Variants in IL31 observed in about 807,000 individuals in gnomAD.
The protein encoded by IL31 is interleukin 31, also known as interleukin-31.
A neutral mutation model predicts 7.8 loss-of-function variants in IL31; 8 were observed. The observed-to-expected ratio is 1.02, with a 90% CI of 0.60 to 1.84. The LOEUF (loss-of-function observed/expected upper bound fraction) is 1.84. Ranked by LOEUF, IL31 falls within the 40% of genes most tolerant of loss-of-function variation. The pLI is 0.00. For missense variants in IL31, 162 were observed against 205.6 expected (o/e 0.79, Z 1.30); for synonymous variants, 87 against 86.5 (o/e 1.01, Z -0.03).
Position 122,172,591 on chromosome 12 carries a change from C to T in IL31, c.316G>A (p.Glu106Lys), listed in dbSNP as rs767155565. 3.7e-6 allele frequency: 6 copies of T among 1,614,172 alleles called. No individual in the cohort carries two copies. Among genetic ancestry groups the T allele is most frequent in the African/African-American group, 1.3e-5 (1 of 75,030 alleles). The change falls in exon 3 of 3, where the codon GAG becomes AAG. Residue 106 changes from glutamate to lysine, a missense_variant. Transcript: ENST00000377035. ...AGTTTGTCGAGGTGCTCTATGATCT[C>T]ATCAATAACAGATTTGTTGTCTAGC... ...RQLDNKSVID[E>K]IIEHLDKLIF...
intron 2 of IL31, among the ~76,000 whole-genome samples, chr12:122,173,570 G>A (rs1207778549): frequency 6.6e-6 from 1 of 152,064 alleles, no homozygotes; most frequent in Non-Finnish European, 1.5e-5. Flanking sequence ...TGTAGTCCCA[G>A]CTACTCGGGA....
intron 2 of IL31, 136 bp from the exon 3 acceptor site, chr12:122,172,877 C>T: frequency 2.8e-6 from 2 of 720,236 alleles, no homozygotes; most frequent in Admixed American, 2.8e-5. Flanking sequence ...CCCTATGAGG[C>T]TGTGCCATCA....
At chr12:122,173,317 A>C (rs1953505974) in intron 2 of IL31, among the ~76,000 whole-genome samples, 1 of 152,260 alleles carries the variant, frequency 6.6e-6, no homozygotes, top group African/African-American at 2.4e-5. Flanking sequence ...TAAGGTCTAA[A>C]TACCAAGGCA....
At chr12:122,173,666 A>C (rs1225708876) in intron 2 of IL31, among the ~76,000 whole-genome samples, 178 bp downstream of exon 2, 2 of 151,186 alleles carry the variant, frequency 1.3e-5, no homozygotes, top group Non-Finnish European at 2.9e-5. Flanking sequence ...CCTGGGTGAC[A>C]GAGTAAGACT....
intron 1 of IL31, 78 bp downstream of exon 1, chr12:122,174,079 T>C: frequency 6.2e-7 from 1 of 1,613,742 alleles, no homozygotes; most frequent in Non-Finnish European, 8.5e-7. Context: ...GAGCCAACCC[T>C]GGGGGTAGTG....
chr12:122,173,839 C>T lies in IL31; in HGVS notation c.165+5G>A. The T allele has an allele frequency of 6.2e-7, 1 of 1,612,798 alleles. No individual in the cohort carries two copies. The highest frequency in any genetic ancestry group is 8.5e-7 in the Non-Finnish European group (1 of 1,179,056). ...GTTTAGAAAAGAAATCTCTAGGACA[C>T]TCACATCTTTCAAAAGCATCTTCGA... On this transcript the variant is annotated splice_donor_5th_base_variant and intron_variant, in intron 2 of 2. Coordinates refer to ENST00000377035, the MANE Select transcript of IL31 (RefSeq NM_001014336.2).
chr12:122,172,820 C>T (rs1332676868), intron 2 of IL31, 79 bp from the exon 3 acceptor site: 2 of 1,090,188 alleles, frequency 1.8e-6, no homozygotes, highest in South Asian at 1.5e-5. Flanking sequence ...TTGCATGCTT[C>T]CTCCGTAACC....
In IL31 at chr12:122,172,677, G is replaced by T. The variant is rs763581168; in HGVS notation, c.230C>A (p.Ala77Asp). 9.9e-6 allele frequency: 16 copies of T among 1,613,978 alleles called. No homozygotes were observed. The highest frequency in any genetic ancestry group is 5.0e-5 in the Admixed American group (3 of 59,992). ...NYTLPCLSPD[A>D]QPPNNIHSPA... ...GCTGTGGATGTTGTTTGGCGGCTGG[G>T]CGTCAGGGCTGAGACACGGCAGCGT... The change falls in exon 3 of 3, where the codon GCC becomes GAC. Residue 77 changes from alanine (A) to aspartate (D), a missense_variant. Ala to Asp is a moderately radical substitution (Grantham distance 126). Transcript: ENST00000377035.
At chr12:122,173,712 G>A (rs996717523) in intron 2 of IL31, 132 bp downstream of exon 2, 1 of 739,508 alleles carries the variant, frequency 1.4e-6, no homozygotes, top group Non-Finnish European at 2.3e-6. Flanking sequence ...ATCTTTGCCT[G>A]TCTAGTTTCC....
chr12:122,173,122 G>A (rs1219143983), intron 2 of IL31, among the ~76,000 whole-genome samples: 1 of 152,070 alleles, frequency 6.6e-6, no homozygotes, highest in African/African-American at 2.4e-5. Flanking sequence ...AGGCTTGTCC[G>A]GAAAGGCCTC....
chr12:122,172,531 C>T lies in IL31; in HGVS notation c.376G>A (p.Val126Met), dbSNP rs146321449. The T allele has an allele frequency of 9.2e-5, 149 of 1,614,066 alleles. No individual in the cohort carries two copies. The highest frequency in any genetic ancestry group is 1.2e-4 in the Non-Finnish European group (143 of 1,180,024). The change falls in exon 3 of 3, where the codon GTG (valine) becomes ATG (methionine). Residue 126 changes from valine (V) to methionine (M), a missense_variant. Coordinates refer to ENST00000377035, the MANE Select transcript of IL31 (RefSeq NM_001014336.2). ...TTACATTCATGGGTGTCTGTTGGCA[C>T]AGAAATGTTTGTTTCTGGTGCATCT... is the stretch of plus-strand genomic sequence containing the variant. ...FQDAPETNIS[V>M]PTDTHECKRF...
At chr12:122,172,887 A>C in intron 2 of IL31, 146 bp from the exon 3 acceptor site, 1 of 678,934 alleles carries the variant, frequency 1.5e-6, no homozygotes, top group Admixed American at 2.9e-5. Context: ...CTGTGCCATC[A>C]CCAACCCCAT....
intron 2 of IL31, 107 bp downstream of exon 2, chr12:122,173,737 G>T: frequency 3.1e-6 from 3 of 953,608 alleles, no homozygotes; most frequent in Non-Finnish European, 3.2e-6. Context: ...TCCCTTCCTG[G>T]CATAGCTACA....
intron 1 of IL31, 77 bp downstream of exon 1, chr12:122,174,079 TG>T: frequency 6.2e-7 from 1 of 1,613,742 alleles, no homozygotes; most frequent in South Asian, 1.1e-5. Context: ...GAGCCAACCC[TG>T]GGGGTAGTGC....
In IL31 at chr12:122,173,765, G is replaced by A. The variant is rs548738154; in HGVS notation, c.165+79C>T. ...TAGCTACAGCCCTGGTTTCAGGTCC[G>A]GAGAGAGGAGCCTCTTTGGAGGGCA... On this transcript the variant is annotated intron_variant, in intron 2 of 2. Transcript: ENST00000377035. The A allele has an allele frequency of 2.1e-4, 274 of 1,305,574 alleles. 1 individual carries two copies. The African/African-American group carries it at 3.3e-3, about 15-fold the overall frequency. 80.9% of individuals were successfully genotyped at this position (1,305,574 alleles called of 1,614,324 possible).
Position 122,172,343 on chromosome 12 carries a change from C to T in IL31, c.*69G>A. The T allele has an allele frequency of 3.5e-6, 4 of 1,138,928 alleles. No homozygotes were observed. The highest frequency in any genetic ancestry group is 5.1e-6 in the Non-Finnish European group (4 of 781,062). The allele number at this position is 1,138,928 out of a possible 1,614,324, so 70.6% of individuals were successfully genotyped here. A position where few individuals can be genotyped will look rare whatever the true frequency, so the allele number is the denominator to read the frequency against. On this transcript the variant is annotated 3_prime_UTR_variant, in exon 3 of 3. Transcript: ENST00000377035. Reference sequence around the variant, plus strand: ...ACTTAAGGAATCACGGCAGAGTTCCCACACTTAGCTGTCGGTCATCTTTTT... The same window carrying T: ...ACTTAAGGAATCACGGCAGAGTTCCTACACTTAGCTGTCGGTCATCTTTTT...
Position 122,172,483 on chromosome 12 carries a change from G to T in IL31, c.424C>A (p.Gln142Lys). 6.2e-7 allele frequency: 1 copy of T among 1,614,194 alleles called. No individual in the cohort carries two copies. Among genetic ancestry groups the T allele is most frequent in the Non-Finnish European group, 8.5e-7 (1 of 1,180,036 alleles). ...ECKRFILTISQQFSECMDLAL... is the reference protein window; with the variant it reads ...ECKRFILTISKQFSECMDLAL... Reference sequence around the variant, plus strand: ...AGGTCCATGCACTCTGAAAACTGTTGAGAAATAGTCAGGATGAAGCGTTTA... The same window carrying T: ...AGGTCCATGCACTCTGAAAACTGTTTAGAAATAGTCAGGATGAAGCGTTTA... The change falls in exon 3 of 3, where the codon CAA becomes AAA. Residue 142 changes from glutamine to lysine, a missense_variant. By Grantham distance (53) the Gln-to-Lys change is moderately conservative (BLOSUM62 1). Transcript: ENST00000377035.
At position 122,172,249 on chromosome 12, in the gene IL31, A is replaced by G; in HGVS notation, c.*163T>C. On this transcript the variant is annotated 3_prime_UTR_variant, in exon 3 of 3. Coordinates refer to ENST00000377035, the MANE Select transcript of IL31 (RefSeq NM_001014336.2). ...TAATGTTTTTCAAGGTAATTCACAA[A>G]TTCACATCTCAGCCCTCCCGGGACT... is the stretch of plus-strand genomic sequence containing the variant. The G allele has an allele frequency of 1.7e-6, 1 of 592,816 alleles. No homozygotes were observed. The highest frequency in any genetic ancestry group is 3.0e-6 in the Non-Finnish European group (1 of 335,062). The allele number at this position is 592,816 out of a possible 1,614,324, so 36.7% of individuals were successfully genotyped here.
chr12:122,173,088 G>A lies in IL31; in HGVS notation c.166-347C>T, dbSNP rs111313052. ...GGGACTCTGTGTTAAAGCCACGCAC[G>A]CTCCACTTATAAAGGAGAGTGTTAG... On this transcript the variant is annotated intron_variant, in intron 2 of 2. Coordinates refer to ENST00000377035, the MANE Select transcript of IL31 (RefSeq NM_001014336.2). Among the ~76,000 whole-genome samples the A allele has an allele frequency of 2.4e-4, 37 of 152,214 alleles. No individual in the cohort carries two copies. The East Asian group carries it at 6.0e-3, about 25-fold the overall frequency.
Sources: gnomAD v4.1 joint callset for allele counts (sites outside exome capture counted in the v4.1 genomes callset) on GRCh38, gnomAD v4.1.1 for gene constraint, MANE v1.5 for transcripts, NCBI Gene and HGNC (gene_info 2026-07-23, HGNC 2026-07-21) for gene names.